The following TENM1 variants were observed in gnomAD, a reference collection of about 807,000 sequenced individuals.
TENM1 encodes teneurin transmembrane protein 1.
A neutral mutation model predicts 174.8 loss-of-function variants in TENM1; 35 were observed. The observed-to-expected ratio is 0.20, with a 90% CI of 0.15 to 0.27. The LOEUF (loss-of-function observed/expected upper bound fraction) is 0.27. Ranked by LOEUF, TENM1 falls within the 10% of genes least tolerant of loss-of-function variation. The pLI, the probability that TENM1 is intolerant of heterozygous loss-of-function variation, is 1.00. For synonymous variants in TENM1, 781 were observed against 798.7 expected, an observed-to-expected ratio of 0.98 and a Z score of 0.37; for missense variants, 1,633 against 2,130.1, an observed-to-expected ratio of 0.77 and a Z score of 4.59.
At chrX:124,631,520 G>T (rs1247270747) in intron 11 of TENM1, among the ~76,000 whole-genome samples, 2 of 111,415 alleles carry the variant, frequency 1.8e-5, no homozygotes, top group Non-Finnish European at 3.8e-5. Flanking sequence ...AAGATTCAAA[G>T]AAATAAGGAC....
chrX:124,520,844 G>A, intron 17 of TENM1, 60 bp from the exon 21 acceptor site: 2 of 1,033,653 alleles, frequency 1.9e-6, no homozygotes, highest in Admixed American at 6.7e-5. Flanking sequence ...GCAGGTAGAT[G>A]AGGATATTGC....
intron 3 of TENM1, among the ~76,000 whole-genome samples, chrX:124,777,290 C>A (rs1051422727): frequency 9.0e-6 from 1 of 111,153 alleles, no homozygotes; most frequent in Admixed American, 9.6e-5. Flanking sequence ...TTGAAAAAAA[C>A]GCCACTTAGT....
the TENM1 span, among the ~76,000 whole-genome samples, chrX:125,070,390 C>T: frequency 5.4e-3 from 597 of 110,090 alleles, 4 homozygotes; most frequent in South Asian, 0.013. Flanking sequence ...TTGTTTTTTC[C>T]TTGTTGTTTG....
chrX:124,444,048 A>G (rs112418768), intron 23 of TENM1, among the ~76,000 whole-genome samples: 2,556 of 112,380 alleles, frequency 0.023, 62 homozygotes, highest in African/African-American at 0.077. Flanking sequence ...ATGAAGAATC[A>G]CAATGAGTAG....
At chrX:124,601,450 C>T (rs1179256103) in intron 11 of TENM1, among the ~76,000 whole-genome samples, 1 of 110,710 alleles carries the variant, frequency 9.0e-6, no homozygotes, top group African/African-American at 3.3e-5. Flanking sequence ...TGATTTCAGA[C>T]TTGATGGCAG....
chrX:124,735,404 G>A (rs914536834), intron 4 of TENM1, among the ~76,000 whole-genome samples: 8 of 111,666 alleles, frequency 7.2e-5, no homozygotes, highest in African/African-American at 2.0e-4. Context: ...AATGAAATAC[G>A]ATCTCATACC....
intron 3 of TENM1, among the ~76,000 whole-genome samples, chrX:124,804,505 A>G (rs2055540490): frequency 8.9e-6 from 1 of 111,950 alleles, no homozygotes; most frequent in South Asian, 3.7e-4. Context: ...ATCCTATGAT[A>G]TTCTAAATCA....
intron 11 of TENM1, among the ~76,000 whole-genome samples, chrX:124,627,500 G>T (rs1170633744): frequency 8.9e-6 from 1 of 111,806 alleles, no homozygotes; most frequent in Admixed American, 9.5e-5. Context: ...GCCAGGCTCC[G>T]TGGCAGTTAC....
intron 1 of TENM1, among the ~76,000 whole-genome samples, chrX:124,950,684 T>C (rs1340669223): frequency 9.0e-6 from 1 of 111,682 alleles, no homozygotes; most frequent in Non-Finnish European, 1.9e-5. Context: ...TGAAATAGAA[T>C]CAAATTTTAT....
At chrX:124,696,548 T>G (rs1603021524) in intron 5 of TENM1, among the ~76,000 whole-genome samples, 1 of 111,084 alleles carries the variant, frequency 9.0e-6, no homozygotes, top group African/African-American at 3.3e-5. Context: ...CTCCTCTCTC[T>G]CTTAAGCATT....
At chrX:124,777,561 T>A (rs1236076287) in intron 3 of TENM1, among the ~76,000 whole-genome samples, 1 of 112,104 alleles carries the variant, frequency 8.9e-6, no homozygotes, top group African/African-American at 3.2e-5. Flanking sequence ...CATTATTCAG[T>A]CTAGTATAAA....
chrX:124,789,305 C>T (rs1182930646), intron 3 of TENM1, among the ~76,000 whole-genome samples: 1 of 110,838 alleles, frequency 9.0e-6, no homozygotes, highest in African/African-American at 3.3e-5. Context: ...ATGGGAGGGG[C>T]TGCTGTGAAG....
chrX:124,734,284 T>C (rs969811680), intron 4 of TENM1, among the ~76,000 whole-genome samples: 3 of 110,774 alleles, frequency 2.7e-5, no homozygotes, highest in Middle Eastern at 4.6e-3. Context: ...ACCCTGTCTC[T>C]ACTAAAAATA....
intron 11 of TENM1, among the ~76,000 whole-genome samples, chrX:124,615,388 T>A (rs965664944): frequency 8.9e-6 from 1 of 112,001 alleles, no homozygotes; most frequent in African/African-American, 3.2e-5. Flanking sequence ...GGGTGCTTCA[T>A]GACTGGGGAA....
At chrX:124,558,520 C>T (rs925408306) in intron 14 of TENM1, among the ~76,000 whole-genome samples, 7 of 111,001 alleles carry the variant, frequency 6.3e-5, no homozygotes, top group African/African-American at 2.3e-4. Flanking sequence ...CATGCACAAA[C>T]AAGTAGACTA....
intron 3 of TENM1, among the ~76,000 whole-genome samples, chrX:124,822,737 G>A (rs2056067321): frequency 8.9e-6 from 1 of 111,736 alleles, no homozygotes; most frequent in Non-Finnish European, 1.9e-5. Context: ...CTTATTGACC[G>A]AGCGAAGGAC....
chrX:124,736,826 C>G, intron 4 of TENM1, 131 bp downstream of exon 7: 3 of 879,490 alleles, frequency 3.4e-6, no homozygotes, highest in Non-Finnish European at 3.1e-6. Flanking sequence ...TTTGCCCATG[C>G]ATCTGGGTGT....
the TENM1 span, among the ~76,000 whole-genome samples, chrX:125,008,803 A>G: frequency 8.9e-6 from 1 of 111,991 alleles, no homozygotes; most frequent in Non-Finnish European, 1.9e-5. Context: ...AACAAAATTA[A>G]GGCAGAAATC....
chrX:124,843,482 C>A (rs376190423), intron 3 of TENM1, among the ~76,000 whole-genome samples: 7 of 111,059 alleles, frequency 6.3e-5, no homozygotes, highest in Non-Finnish European at 9.4e-5. Context: ...TTGCCTCCCC[C>A]CCTCCCTACT....
Sources: allele counts gnomAD v4.1 joint callset (sites outside exome capture counted in the v4.1 genomes callset), GRCh38; gene constraint gnomAD v4.1.1; transcripts MANE v1.5; gene names NCBI Gene and HGNC (gene_info 2026-07-23, HGNC 2026-07-21).